PLXNA4: variants seen among roughly 807,000 people sequenced by gnomAD.
PLXNA4 encodes the protein plexin A4.
In PLXNA4, 44 loss-of-function variants were observed where a neutral mutation model predicts 191.8. The ratio of observed to expected loss-of-function variants is 0.23; its 90% CI spans 0.18 to 0.29. The LOEUF (loss-of-function observed/expected upper bound fraction) is 0.29, where lower values mean the gene tolerates loss of function less well. Among genes scored for constraint, PLXNA4 ranks in the 10% least tolerant of loss-of-function variants. The pLI is 1.00. For synonymous variants in PLXNA4, 1,082 were observed against 1,009.5 expected (o/e 1.07, Z -1.36); for missense variants, 1,800 against 2,488.8 (o/e 0.72, Z 5.89).
chr7:132,416,684 G>C (rs1794672836), intron 3 of PLXNA4, among the ~76,000 whole-genome samples: 1 of 152,214 alleles, frequency 6.6e-6, no homozygotes, highest in African/African-American at 2.4e-5. Context: ...ATGAGACATT[G>C]AACATTTGTA....
rs199913057 is a variant in PLXNA4, at chr7:132,598,672, TAA to T, written c.-87+47254_-87+47255del. Among the ~76,000 whole-genome samples the T allele has an allele frequency of 6.2e-3, 939 of 152,258 alleles. 17 individuals carry two copies. The highest frequency in any genetic ancestry group is 0.021 in the African/African-American group (858 of 41,496). On this transcript the variant is annotated intron_variant, in intron 2 of 4. Transcript: ENST00000378539. The stretch of plus-strand genomic sequence containing the variant: ...ATTTGCAAGAATTTCCTGTGAATTC[TAA>T]ATAACAGTGCTCTGTCAGTTTTAGA...
chr7:132,563,417 C>T (rs1465623437), intron 1 of PLXNA4, among the ~76,000 whole-genome samples: 3 of 104,476 alleles, frequency 2.9e-5, no homozygotes, highest in Admixed American at 9.2e-5. Flanking sequence ...CCTCTCCCTC[C>T]TCCTCCTTCT....
At chr7:132,441,651 C>T (rs1017855016) in intron 3 of PLXNA4, among the ~76,000 whole-genome samples, 2 of 152,132 alleles carry the variant, frequency 1.3e-5, no homozygotes, top group South Asian at 2.1e-4. Flanking sequence ...ACCCTGCATT[C>T]GGAGTCTATT....
chr7:132,577,160 G>A (rs1802280896), upstream of PLXNA4: 2 of 146,680 alleles, frequency 1.4e-5, no homozygotes, highest in South Asian at 3.6e-4. Context: ...GAGCTCGGCC[G>A]CGGGCCGAGC....
chr7:132,495,991 C>T (rs1050395952), intron 2 of PLXNA4, among the ~76,000 whole-genome samples: 1 of 152,250 alleles, frequency 6.6e-6, no homozygotes, highest in Admixed American at 6.5e-5. Flanking sequence ...GAAAAAGTCT[C>T]AGTTCCTGCC....
chr7:132,562,419 TCTC>T (rs1180739646), intron 1 of PLXNA4, among the ~76,000 whole-genome samples: 1 of 91,396 alleles, frequency 1.1e-5, no homozygotes, highest in East Asian at 4.1e-4. Flanking sequence ...TTCTCCTCCT[TCTC>T]CTACTCCTTT....
chr7:132,620,499 A>C (rs1438168937), intron 2 of PLXNA4, among the ~76,000 whole-genome samples: 1 of 152,198 alleles, frequency 6.6e-6, no homozygotes, highest in Non-Finnish European at 1.5e-5. Flanking sequence ...GGTTATTAAA[A>C]TCCAAACAAT....
chr7:132,377,846 G>T (rs1261401970), intron 3 of PLXNA4, among the ~76,000 whole-genome samples: 1 of 152,122 alleles, frequency 6.6e-6, no homozygotes, highest in Admixed American at 6.5e-5. Context: ...TGGATGGCAG[G>T]GGAGAGTGCT....
intron 3 of PLXNA4, among the ~76,000 whole-genome samples, chr7:132,461,460 C>G (rs1441661418): frequency 6.6e-6 from 1 of 152,078 alleles, no homozygotes; most frequent in African/African-American, 2.4e-5. Context: ...ATACAAGGAG[C>G]CCTCCAAAGA....
intron 3 of PLXNA4, among the ~76,000 whole-genome samples, chr7:132,461,425 C>T (rs1031459651): frequency 6.6e-6 from 1 of 152,182 alleles, no homozygotes; most frequent in Non-Finnish European, 1.5e-5. Context: ...ATCTGGACCA[C>T]AAAACCAGAC....
At chr7:132,486,622 A>C (rs560189042) in intron 3 of PLXNA4, among the ~76,000 whole-genome samples, 2 of 152,182 alleles carry the variant, frequency 1.3e-5, no homozygotes, top group South Asian at 4.1e-4. Context: ...ATTCCCCCCA[A>C]CTGACCCTTG....
chr7:132,562,395 G>C (rs1222686302), intron 1 of PLXNA4, among the ~76,000 whole-genome samples: 60 of 64,208 alleles, frequency 9.3e-4, no homozygotes, highest in African/African-American at 1.2e-3. Context: ...TCCTCCTTCT[G>C]CTGCTCCTCC....
At chr7:132,448,849 C>T (rs963630830) in intron 3 of PLXNA4, among the ~76,000 whole-genome samples, 2 of 152,186 alleles carry the variant, frequency 1.3e-5, no homozygotes, top group African/African-American at 2.4e-5. Context: ...CTAGTTGTCT[C>T]TAGAGATTTC....
intron 1 of PLXNA4, among the ~76,000 whole-genome samples, chr7:132,553,545 T>C (rs1201490044): frequency 6.6e-6 from 1 of 152,120 alleles, no homozygotes; most frequent in East Asian, 1.9e-4. Context: ...ACATAGGACC[T>C]TCCCATCTGG....
At chr7:132,433,145 C>T (rs1795334668) in intron 3 of PLXNA4, among the ~76,000 whole-genome samples, 1 of 152,172 alleles carries the variant, frequency 6.6e-6, no homozygotes, top group Non-Finnish European at 1.5e-5. Context: ...TATTTAATTT[C>T]CTAAATTCTA....
At chr7:132,354,439 G>GAATAGA (rs1803618260) in intron 3 of PLXNA4, among the ~76,000 whole-genome samples, 1 of 152,146 alleles carries the variant, frequency 6.6e-6, no homozygotes, top group Admixed American at 6.5e-5. Context: ...CCCCATCAGG[G>GAATAGA]AATAGACTAT....
intron 3 of PLXNA4, among the ~76,000 whole-genome samples, chr7:132,430,850 G>T (rs1451885491): frequency 1.3e-5 from 2 of 151,744 alleles, no homozygotes; most frequent in Non-Finnish European, 2.9e-5. Context: ...GACTGGATAA[G>T]CAAGGAGTCT....
intron 14 of PLXNA4, among the ~76,000 whole-genome samples, chr7:132,193,254 G>A (rs190343165): frequency 7.9e-5 from 12 of 152,236 alleles, no homozygotes; most frequent in African/African-American, 1.2e-4. Context: ...ACCCTCTCCC[G>A]CTCTTGCTCT....
intron 3 of PLXNA4, among the ~76,000 whole-genome samples, chr7:132,421,777 A>G (rs113756483): frequency 1.3e-5 from 2 of 152,152 alleles, no homozygotes; most frequent in Non-Finnish European, 2.9e-5. Flanking sequence ...TAGTATCCCA[A>G]ATAAACCCTA....
Sources: gnomAD v4.1 joint callset for allele counts (sites outside exome capture counted in the v4.1 genomes callset) on GRCh38, gnomAD v4.1.1 for gene constraint, MANE v1.5 for transcripts, NCBI Gene and HGNC (gene_info 2026-07-23, HGNC 2026-07-21) for gene names.